PTPRG: variants seen among roughly 807,000 people sequenced by gnomAD.
PTPRG encodes receptor-type tyrosine-protein phosphatase gamma.
In PTPRG, 102 loss-of-function variants were observed where a neutral mutation model predicts 165.3. The observed-to-expected ratio is 0.62, with a 90% confidence interval of 0.53 to 0.73. The LOEUF is 0.73. Ranked by LOEUF, PTPRG falls within the 30% of genes least tolerant of loss-of-function variation. The pLI is 0.00. For synonymous variants in PTPRG, 675 were observed against 669.5 expected (o/e 1.01, Z -0.13); for missense variants, 1,866 against 1,861.4 (o/e 1.00, Z -0.05).
intron 1 of PTPRG, among the ~76,000 whole-genome samples, chr3:61,656,416 G>C (rs965910131): frequency 2.0e-5 from 3 of 152,140 alleles, no homozygotes; most frequent in Non-Finnish European, 4.4e-5. Flanking sequence ...AAAACTGACC[G>C]TTTCATAAAA....
intron 1 of PTPRG, among the ~76,000 whole-genome samples, chr3:61,743,507 C>G (rs1298418355): frequency 1.3e-5 from 2 of 150,928 alleles, no homozygotes; most frequent in African/African-American, 2.4e-5. Flanking sequence ...CCATGGGTGT[C>G]TGTGTGTGTG....
At chr3:61,776,171 G>A (rs1362862503) in intron 2 of PTPRG, among the ~76,000 whole-genome samples, 1 of 151,976 alleles carries the variant, frequency 6.6e-6, no homozygotes, top group Non-Finnish European at 1.5e-5. Flanking sequence ...CTCCAGGTTT[G>A]TATCTAGAAT....
intron 28 of PTPRG, among the ~76,000 whole-genome samples, chr3:62,283,582 T>C (rs1163003431): frequency 1.3e-5 from 2 of 152,164 alleles, no homozygotes; most frequent in Admixed American, 6.6e-5. Flanking sequence ...CTTTAGCCAA[T>C]ATGGAATCAA....
chr3:61,920,454 G>A (rs573576770), intron 2 of PTPRG, among the ~76,000 whole-genome samples: 4 of 152,262 alleles, frequency 2.6e-5, no homozygotes, highest in Admixed American at 6.5e-5. Context: ...GGAGTGCAGT[G>A]GCACAATCTC....
chr3:61,660,054 G>A (rs1702616017), intron 1 of PTPRG, among the ~76,000 whole-genome samples: 1 of 151,968 alleles, frequency 6.6e-6, no homozygotes, highest in Admixed American at 6.6e-5. Flanking sequence ...GTGAAACCCT[G>A]TCTCTACTAA....
At chr3:61,730,996 T>C (rs1304336949) in intron 1 of PTPRG, among the ~76,000 whole-genome samples, 1 of 152,218 alleles carries the variant, frequency 6.6e-6, no homozygotes, top group African/African-American at 2.4e-5. Context: ...CCCCTTTAAC[T>C]CAGTTCCCTC....
chr3:62,126,451 A>T (rs376947045), intron 5 of PTPRG, among the ~76,000 whole-genome samples: 4 of 152,144 alleles, frequency 2.6e-5, no homozygotes, highest in Non-Finnish European at 5.9e-5. Context: ...GGTGAATCCT[A>T]TTAGCATTTA....
chr3:61,710,072 G>A (rs777232509), intron 1 of PTPRG, among the ~76,000 whole-genome samples: 5 of 152,170 alleles, frequency 3.3e-5, no homozygotes, highest in African/African-American at 4.8e-5. Context: ...CCAGTTATTG[G>A]TAGTAGTAGC....
At chr3:62,291,477 C>T (rs1214279082) in intron 28 of PTPRG, among the ~76,000 whole-genome samples, 1 of 151,850 alleles carries the variant, frequency 6.6e-6, no homozygotes, top group African/African-American at 2.4e-5. Flanking sequence ...ATCTGGAAGG[C>T]TGTATCTACA....
intron 2 of PTPRG, among the ~76,000 whole-genome samples, chr3:61,796,898 G>A (rs1056250080): frequency 9.2e-5 from 14 of 152,162 alleles, no homozygotes; most frequent in South Asian, 2.1e-4. Flanking sequence ...ATTTTTAGAG[G>A]CTGAATGCCA....
intron 1 of PTPRG, among the ~76,000 whole-genome samples, chr3:61,591,668 G>C (rs576363335): frequency 1.4e-4 from 22 of 152,282 alleles, no homozygotes; most frequent in Admixed American, 1.1e-3. Flanking sequence ...GAATCCTGTA[G>C]ACCTCAGGTT....
At chr3:62,279,005 G>C (rs921408378) in intron 26 of PTPRG, among the ~76,000 whole-genome samples, 1 of 152,038 alleles carries the variant, frequency 6.6e-6, no homozygotes, top group Non-Finnish European at 1.5e-5. Context: ...AGACACTGAG[G>C]ATATAGGAAC....
intron 5 of PTPRG, among the ~76,000 whole-genome samples, chr3:62,111,734 C>G (rs1035182172): frequency 1.3e-5 from 2 of 152,192 alleles, no homozygotes; most frequent in African/African-American, 4.8e-5. Context: ...TAGGCGTGAG[C>G]CACCACCGGG....
chr3:61,614,527 A>C lies in PTPRG; in HGVS notation c.85+52155A>C, dbSNP rs531906182. Among the ~76,000 whole-genome samples the C allele has an allele frequency of 3.4e-3, 486 of 144,222 alleles. 3 individuals carry two copies. Among genetic ancestry groups the C allele is most frequent in the Non-Finnish European group, 2.1e-3 (142 of 67,244 alleles). The allele number at this position is 144,222 out of a possible 152,430, so 94.6% of individuals were successfully genotyped here. On this transcript the variant is annotated intron_variant, in intron 1 of 29. Coordinates refer to ENST00000474889, the MANE Select transcript of PTPRG (RefSeq NM_002841.4). ...GGGGCTCAAGTGATCCTGCCACCTC[A>C]GCTTCCCAAGTAGTTGGGACCACAG...
intron 2 of PTPRG, among the ~76,000 whole-genome samples, chr3:61,777,096 T>G (rs1451712659): frequency 1.3e-5 from 2 of 152,210 alleles, no homozygotes; most frequent in Admixed American, 6.5e-5. Context: ...TTGAATTGTG[T>G]GTCTCTGGAA....
chr3:61,581,508 G>A (rs1700293250), intron 1 of PTPRG, among the ~76,000 whole-genome samples: 1 of 152,126 alleles, frequency 6.6e-6, no homozygotes, highest in African/African-American at 2.4e-5. Context: ...CTTCTGTGGT[G>A]TTAGGTTTGT....
At chr3:61,775,754 A>T (rs2034359149) in intron 2 of PTPRG, among the ~76,000 whole-genome samples, 1 of 152,144 alleles carries the variant, frequency 6.6e-6, no homozygotes, top group African/African-American at 2.4e-5. Flanking sequence ...GCCATAAAAA[A>T]CCATGAGTTC....
chr3:61,768,830 G>T (rs578222303), intron 2 of PTPRG, among the ~76,000 whole-genome samples: 4 of 152,158 alleles, frequency 2.6e-5, no homozygotes, highest in Non-Finnish European at 4.4e-5. Context: ...ATTCTCCTGA[G>T]TTGGCTCAGT....
At chr3:62,118,858 T>C (rs562509985) in intron 5 of PTPRG, among the ~76,000 whole-genome samples, 2 of 152,188 alleles carry the variant, frequency 1.3e-5, no homozygotes, top group African/African-American at 2.4e-5. Context: ...GGATCACATC[T>C]TTTGGACATA....
Sources: allele counts gnomAD v4.1 joint callset (sites outside exome capture counted in the v4.1 genomes callset), GRCh38; gene constraint gnomAD v4.1.1; transcripts MANE v1.5; gene names NCBI Gene and HGNC (gene_info 2026-07-23, HGNC 2026-07-21).